The following ATP2C1 variants were observed in gnomAD, a reference collection of about 807,000 sequenced individuals.
ATP2C1 encodes calcium-transporting ATPase type 2C member 1.
A neutral mutation model predicts 120.5 loss-of-function variants in ATP2C1; 31 were observed. The ratio of observed to expected loss-of-function variants is 0.26; its 90% confidence interval spans 0.19 to 0.35. The LOEUF (loss-of-function observed/expected upper bound fraction) is 0.35, where lower values mean the gene tolerates loss of function less well. ATP2C1 is among the 10% of genes least tolerant of loss of function. ATP2C1 has a pLI of 1.00. For missense variants in ATP2C1, 731 were observed against 1,107.5 expected (o/e 0.66, Z 4.83); for synonymous variants, 351 against 358.7 (o/e 0.98, Z 0.24).
chr3:130,975,567 T>G, intron 18 of ATP2C1, 79 bp downstream of exon 18: 1 of 1,475,598 alleles, frequency 6.8e-7, no homozygotes, highest in Non-Finnish European at 9.3e-7. Context: ...ATGCTTCACA[T>G]TTGAGCTGTC....
At chr3:130,999,362 C>T (rs1163857611) in intron 26 of ATP2C1, among the ~76,000 whole-genome samples, 156 bp from the exon 27 acceptor site, 1 of 152,054 alleles carries the variant, frequency 6.6e-6, no homozygotes, top group Non-Finnish European at 1.5e-5. Flanking sequence ...CTGAATTATT[C>T]CAAAACAGTA....
At chr3:130,911,133 A>G (rs2058387785) in intron 2 of ATP2C1, among the ~76,000 whole-genome samples, 1 of 147,580 alleles carries the variant, frequency 6.8e-6, no homozygotes. Context: ...AGCTCCTGTT[A>G]TTGGTCTATT....
chr3:130,990,516 T>C (rs1251507903), intron 20 of ATP2C1, among the ~76,000 whole-genome samples: 1 of 151,694 alleles, frequency 6.6e-6, no homozygotes, highest in African/African-American at 2.4e-5. Flanking sequence ...ATGATAGGAG[T>C]GCAGTGAGGT....
At chr3:131,011,509 A>T (rs1048746523) in intron 26 of ATP2C1, among the ~76,000 whole-genome samples, 2 of 152,218 alleles carry the variant, frequency 1.3e-5, no homozygotes, top group African/African-American at 4.8e-5. Flanking sequence ...AACATAGGAA[A>T]CTAGATTTTG....
chr3:131,012,160 GAC>G, intron 26 of ATP2C1, among the ~76,000 whole-genome samples: 1 of 152,154 alleles, frequency 6.6e-6, no homozygotes, highest in South Asian at 2.1e-4. Flanking sequence ...CAGGAAATGG[GAC>G]AGTTATATTA....
At chr3:131,008,412 C>G (rs973510969) in intron 26 of ATP2C1, among the ~76,000 whole-genome samples, 6 of 115,928 alleles carry the variant, frequency 5.2e-5, no homozygotes, top group African/African-American at 2.1e-4. Context: ...GGCAACAGAA[C>G]AAGACTGTCT....
chr3:130,947,981 G>A (rs1478129841), intron 8 of ATP2C1, among the ~76,000 whole-genome samples: 1 of 151,990 alleles, frequency 6.6e-6, no homozygotes, highest in African/African-American at 2.4e-5. Context: ...CCTCATCTTT[G>A]TTATTTTTGC....
intron 1 of ATP2C1, among the ~76,000 whole-genome samples, chr3:130,876,144 G>C (rs1194290637): frequency 6.6e-6 from 1 of 151,842 alleles, no homozygotes; most frequent in African/African-American, 2.4e-5. Context: ...AGTACCACTT[G>C]TCTATTTTTA....
At chr3:130,906,257 CT>C (rs1216460117) in intron 2 of ATP2C1, among the ~76,000 whole-genome samples, 1 of 152,074 alleles carries the variant, frequency 6.6e-6, no homozygotes, top group African/African-American at 2.4e-5. Flanking sequence ...TCGCTAGCCC[CT>C]GGTAACCACT....
At chr3:130,895,245 C>T (rs960022407) in intron 2 of ATP2C1, among the ~76,000 whole-genome samples, 2 of 152,026 alleles carry the variant, frequency 1.3e-5, no homozygotes, top group Non-Finnish European at 2.9e-5. Flanking sequence ...GGAAAAAACT[C>T]ATTATTTTTC....
In ATP2C1 at chr3:130,969,351, T is replaced by C. The variant is rs745609812; in HGVS notation, c.1368T>C (p.Ser456=). 6.2e-7 allele frequency: 1 copy of C among 1,614,016 alleles called. No individual in the cohort carries two copies. The highest frequency in any genetic ancestry group is 8.5e-7 in the Non-Finnish European group (1 of 1,179,926). Residue 456 remains serine (S), a synonymous_variant, in exon 17 of 28, where the codon TCT becomes TCC. Coordinates refer to ENST00000510168, the MANE Select transcript of ATP2C1 (RefSeq NM_001378687.1). ...YIRKAEYPFS[S]EQKWMAVKCV... ...GAAAAGCTGAATACCCTTTTAGCTC[T>C]GAGCAAAAGTGGATGGCTGTTAAGT...
chr3:130,977,216 T>A (rs2061562162), intron 18 of ATP2C1, among the ~76,000 whole-genome samples: 1 of 152,158 alleles, frequency 6.6e-6, no homozygotes, highest in Non-Finnish European at 1.5e-5. Context: ...CTGGGAAGAC[T>A]GTGGTGCAGA....
At chr3:130,974,987 A>G (rs563358440) in intron 17 of ATP2C1, among the ~76,000 whole-genome samples, 9 of 152,332 alleles carry the variant, frequency 5.9e-5, no homozygotes, top group African/African-American at 4.8e-5. Context: ...ATATAGACGT[A>G]TATAGTAGCT....
intron 26 of ATP2C1, among the ~76,000 whole-genome samples, chr3:131,010,405 A>G (rs913579074): frequency 6.6e-6 from 1 of 151,986 alleles, no homozygotes; most frequent in African/African-American, 2.4e-5. Flanking sequence ...CATGTTAGCC[A>G]GGATGGTCTC....
rs2059542554 is a variant in ATP2C1, at chr3:130,933,569, C to T, written c.235-1053C>T. The stretch of plus-strand genomic sequence containing the variant: ...TCAAACCTAGGTACTCTGACTCAGT[C>T]AGGTTTGTGGTTGGTCAGCCCTGAA... On this transcript the variant is annotated intron_variant, in intron 4 of 27. Coordinates refer to ENST00000510168, the MANE Select transcript of ATP2C1 (RefSeq NM_001378687.1). Among the ~76,000 whole-genome samples the T allele has an allele frequency of 2.6e-5, 4 of 152,286 alleles. No individual in the cohort carries two copies. The South Asian group carries it at 8.3e-4, about 32-fold the overall frequency.
At chr3:130,969,215 T>C in intron 16 of ATP2C1, 77 bp from the exon 17 acceptor site, 1 of 947,514 alleles carries the variant, frequency 1.1e-6, no homozygotes, top group East Asian at 2.4e-5. Context: ...TAGTTACAAG[T>C]GGTGACCCTT....
At chr3:130,886,796 C>A (rs554290009) in intron 1 of ATP2C1, among the ~76,000 whole-genome samples, 1 of 152,288 alleles carries the variant, frequency 6.6e-6, no homozygotes, top group African/African-American at 2.4e-5. Context: ...ATTTTGAATT[C>A]TCTGTCTGAA....
chr3:130,948,120 A>G (rs185073893), intron 8 of ATP2C1, among the ~76,000 whole-genome samples: 1 of 152,218 alleles, frequency 6.6e-6, no homozygotes, highest in Admixed American at 6.5e-5. Context: ...ACTGACTTTT[A>G]TGTTTACCTA....
chr3:130,986,923 GTTAGTTTAGT>G (rs78879304), intron 20 of ATP2C1, among the ~76,000 whole-genome samples: 83 of 2,482 alleles, frequency 0.033, 2 homozygotes, highest in Non-Finnish European at 0.096. Context: ...GTTTAGTTTA[GTTAGTTTAGT>G]TTAGTTTAGT....
Sources: gnomAD v4.1 joint callset for allele counts (sites outside exome capture counted in the v4.1 genomes callset) on GRCh38, gnomAD v4.1.1 for gene constraint, MANE v1.5 for transcripts, NCBI Gene and HGNC (gene_info 2026-07-23, HGNC 2026-07-21) for gene names.